The following FAM118A variants were observed in gnomAD, a reference collection of about 807,000 sequenced individuals.
FAM118A encodes the protein protein FAM118A.
FAM118A carries 25 observed loss-of-function variants against 38.2 expected under a neutral mutation model. The ratio of observed to expected loss-of-function variants is 0.65; its 90% CI spans 0.48 to 0.91. FAM118A has a LOEUF of 0.91. Ranked by LOEUF, FAM118A falls within the 40% of genes least tolerant of loss-of-function variation. FAM118A has a pLI of 0.00. For synonymous variants in FAM118A, 178 were observed against 184.1 expected, an observed-to-expected ratio of 0.97 and a Z score of 0.27; for missense variants, 425 against 463.3, an observed-to-expected ratio of 0.92 and a Z score of 0.76.
intron 5 of FAM118A, among the ~76,000 whole-genome samples, chr22:45,331,337 A>G (rs1401595720): frequency 1.4e-5 from 2 of 141,428 alleles, no homozygotes; most frequent in Non-Finnish European, 3.1e-5. Flanking sequence ...AAAAATAAAT[A>G]AATAAAAGTA....
intron 1 of FAM118A, among the ~76,000 whole-genome samples, chr22:45,316,668 C>T (rs911484696): frequency 6.6e-6 from 1 of 152,180 alleles, no homozygotes; most frequent in African/African-American, 2.4e-5. Context: ...TAGTATTTCC[C>T]AGCCTCTTGT....
In FAM118A at chr22:45,339,664, A is replaced by G. The variant is rs1208546879; in HGVS notation, c.1055-722A>G. ...ACGTTCATTGTTTTGTTTTCTGCAT[A>G]TCTGGGCTCCTCCAGTGCCTGCTGA... On this transcript the variant is annotated intron_variant, in intron 8 of 8. Transcript: ENST00000441876. Among the ~76,000 whole-genome samples, 2 of 152,058 alleles carry G rather than the reference A, an allele frequency of 1.3e-5. 1 individual carries two copies. The highest frequency in any genetic ancestry group is 2.9e-5 in the Non-Finnish European group (2 of 68,022).
At chr22:45,333,674 CAAAAA>C (rs541613789) in intron 6 of FAM118A, among the ~76,000 whole-genome samples, 4 of 93,580 alleles carry the variant, frequency 4.3e-5, no homozygotes, top group Admixed American at 1.2e-4. Flanking sequence ...ACTCTGTTTC[CAAAAA>C]AAAAAAAAAA....
rs1288616401 is a variant in FAM118A, at chr22:45,340,528, G to GA, written c.*124dup. On this transcript the variant is annotated 3_prime_UTR_variant, in exon 9 of 9. Coordinates refer to ENST00000441876, the MANE Select transcript of FAM118A (RefSeq NM_017911.4). ...ATTGCGAAACCGTCACATACACCAA[G>GA]AGAGCCACATGGGCATGTGGCCCTC... 1 of 1,186,986 alleles carries GA rather than the reference G, an allele frequency of 8.4e-7. No individual in the cohort carries two copies. Among genetic ancestry groups the GA allele is most frequent in the East Asian group, 2.4e-5 (1 of 42,510 alleles). The allele number at this position is 1,186,986 out of a possible 1,614,324, so 73.5% of individuals were successfully genotyped here.
chr22:45,311,247 GGCAGAGAGGCT>G (rs1569115972), intron 1 of FAM118A, among the ~76,000 whole-genome samples: 2 of 152,236 alleles, frequency 1.3e-5, no homozygotes, highest in Non-Finnish European at 2.9e-5. Context: ...TATGTCAAAA[GGCAGAGAGGCT>G]GCCACGGCAC....
At chr22:45,323,916 C>T (rs1020210783) in intron 3 of FAM118A, among the ~76,000 whole-genome samples, 2 of 152,184 alleles carry the variant, frequency 1.3e-5, no homozygotes, top group African/African-American at 2.4e-5. Flanking sequence ...TATTCCTGAG[C>T]GAGGCCCTGG....
intron 3 of FAM118A, among the ~76,000 whole-genome samples, chr22:45,325,450 G>C (rs1717236923): frequency 2.0e-5 from 3 of 152,114 alleles, no homozygotes; most frequent in Admixed American, 2.0e-4. Context: ...ATCCATTGTA[G>C]ACTCTAAGCT....
intron 1 of FAM118A, chr22:45,321,978 C>T (rs720682): frequency 0.39 from 125,390 of 322,588 alleles, 29,119 homozygotes; most frequent in African/African-American, 0.75. Context: ...TTTGTTGTGC[C>T]GCTTGCTGTG....
At chr22:45,327,718 T>C (rs1359069419) in intron 3 of FAM118A, 124 bp from the exon 4 acceptor site, 1 of 964,924 alleles carries the variant, frequency 1.0e-6, no homozygotes, top group Non-Finnish European at 1.6e-6. Context: ...CGGCGCACGC[T>C]GTGAAGCCAG....
At position 45,335,377 on chromosome 22, in the gene FAM118A, T is replaced by G. The variant is rs945795635; in HGVS notation, c.965T>G (p.Leu322Ter). 4 of 1,614,196 alleles carry G rather than the reference T, an allele frequency of 2.5e-6. No individual in the cohort carries two copies. The highest frequency in any genetic ancestry group is 2.5e-6 in the Non-Finnish European group (3 of 1,180,016). Residue 322 changes from leucine to a stop codon, truncating the protein, a stop_gained, in exon 7 of 9, where the codon TTA (leucine) becomes TGA (stop). Coordinates refer to ENST00000441876, the MANE Select transcript of FAM118A (RefSeq NM_017911.4). LOFTEE classifies it high-confidence loss of function. ...PDADRVDSTT[L>*]LGNACQDCAK... Reference sequence around the variant, plus strand: ...GCTGATCGCGTGGACAGCACCACATTATTGGGTAAAGCAGATCTTTCTTCT... The same window carrying G: ...GCTGATCGCGTGGACAGCACCACATGATTGGGTAAAGCAGATCTTTCTTCT...
At chr22:45,332,342 A>G in intron 5 of FAM118A, 83 bp from the exon 6 acceptor site, 1 of 1,434,104 alleles carries the variant, frequency 7.0e-7, no homozygotes, top group Non-Finnish European at 9.5e-7. Context: ...AGTGATGTAA[A>G]AGCACACACA....
At chr22:45,318,812 A>T (rs1307305959) in intron 1 of FAM118A, 1 of 152,186 alleles carries the variant, frequency 6.6e-6, no homozygotes, top group African/African-American at 2.4e-5. Context: ...CTAGAGGCCC[A>T]TCTGCCTATT....
Position 45,323,212 on chromosome 22 carries a change from G to A in FAM118A, c.85G>A (p.Glu29Lys). The change falls in exon 3 of 9, where the codon GAA becomes AAA. Residue 29 changes from glutamate to lysine, a missense_variant. Glu to Lys is a moderately conservative substitution (Grantham distance 56). Coordinates refer to ENST00000441876, the MANE Select transcript of FAM118A (RefSeq NM_017911.4). ...AAGCCTCATCCGGAAACAGCCCCAG[G>A]AACTGCTCCTGGTTATCGGGACTGG... ...LKSLIRKQPQELLLVIGTGVS... is the reference protein window; with the variant it reads ...LKSLIRKQPQKLLLVIGTGVS... 1.9e-6 allele frequency: 3 copies of A among 1,613,900 alleles called. No homozygotes were observed. Among genetic ancestry groups the A allele is most frequent in the Non-Finnish European group, 1.7e-6 (2 of 1,179,780 alleles).
At chr22:45,335,964 G>A (rs916757792) in intron 7 of FAM118A, among the ~76,000 whole-genome samples, 6 of 152,208 alleles carry the variant, frequency 3.9e-5, no homozygotes, top group East Asian at 1.9e-4. Context: ...GCCTCTGTGC[G>A]CAGCCCTGTT....
intron 1 of FAM118A, among the ~76,000 whole-genome samples, chr22:45,317,659 G>A (rs1192139435): frequency 6.6e-6 from 1 of 152,228 alleles, no homozygotes; most frequent in Non-Finnish European, 1.5e-5. Flanking sequence ...AACAGCCACA[G>A]CCTATTTGCT....
rs371648523 is a variant in FAM118A at position 45,333,018 on chromosome 22, C to T, written c.937+308C>T. 1.4e-4 allele frequency among the ~76,000 whole-genome samples: 22 copies of T among 152,160 alleles called. 2 individuals are homozygous for T. In the South Asian group the frequency reaches 1.9e-3, roughly 13 times the overall value. ...TTGGCCTCCTGAAGTGCTGGGATTA[C>T]AGGCGAGAGCCACCGCGCCCGGCCT... On this transcript the variant is annotated intron_variant, in intron 6 of 8. Coordinates refer to ENST00000441876, the MANE Select transcript of FAM118A (RefSeq NM_017911.4).
chr22:45,333,091 C>T (rs1020813771), intron 6 of FAM118A, among the ~76,000 whole-genome samples: 3 of 152,090 alleles, frequency 2.0e-5, no homozygotes, highest in African/African-American at 7.2e-5. Context: ...CCAGTTGTTT[C>T]TCTCTGTCTT....
chr22:45,337,725 G>C (rs1053292380), intron 8 of FAM118A: 40 of 525,294 alleles, frequency 7.6e-5, no homozygotes, highest in Non-Finnish European at 9.3e-5. Flanking sequence ...CTGAGATGGA[G>C]GCCTAGGTCT....
At chr22:45,327,548 C>CCT (rs377218207) in intron 3 of FAM118A, among the ~76,000 whole-genome samples, 7 of 152,300 alleles carry the variant, frequency 4.6e-5, no homozygotes, top group African/African-American at 1.7e-4. Context: ...TCCTCAGGCC[C>CCT]CTGTTCAGAT....
Sources: gnomAD v4.1 joint callset for allele counts (sites outside exome capture counted in the v4.1 genomes callset) on GRCh38, gnomAD v4.1.1 for gene constraint, MANE v1.5 for transcripts, NCBI Gene and HGNC (gene_info 2026-07-23, HGNC 2026-07-21) for gene names.